The following GALNT10 variants were observed in gnomAD, a reference collection of about 807,000 sequenced individuals.
GALNT10 encodes polypeptide N-acetylgalactosaminyltransferase 10.
GALNT10 carries 41 observed loss-of-function variants against 75.0 expected under a neutral mutation model. That is an observed-to-expected ratio of 0.55 (90% confidence interval 0.43 to 0.71). The LOEUF (loss-of-function observed/expected upper bound fraction) is 0.71. Ranked by LOEUF, GALNT10 falls within the 30% of genes least tolerant of loss-of-function variation. The probability of loss-of-function intolerance (pLI) is 0.00; values close to 1 mark genes in which losing one functional copy is unlikely to be tolerated. For missense variants in GALNT10, 727 were observed against 818.5 expected, an observed-to-expected ratio of 0.89 and a Z score of 1.36; for synonymous variants, 302 against 313.0, an observed-to-expected ratio of 0.96 and a Z score of 0.37.
intron 1 of GALNT10, among the ~76,000 whole-genome samples, chr5:154,195,021 C>G (rs1415407339): frequency 6.6e-6 from 1 of 152,214 alleles, no homozygotes; most frequent in Non-Finnish European, 1.5e-5. Flanking sequence ...AATGTCTTTT[C>G]TCAGGCTGTA....
At chr5:154,277,518 G>A (rs562362240) in intron 1 of GALNT10, among the ~76,000 whole-genome samples, 2 of 151,986 alleles carry the variant, frequency 1.3e-5, no homozygotes, top group Admixed American at 1.3e-4. Context: ...CTGGGATGGA[G>A]GATTGAGACC....
chr5:154,349,755 T>G (rs1755179445), intron 4 of GALNT10: 1 of 152,022 alleles, frequency 6.6e-6, no homozygotes, highest in Non-Finnish European at 1.5e-5. Flanking sequence ...TAGCTTTCAG[T>G]ATGTTAGTGT....
At chr5:154,195,268 C>G (rs192131458) in intron 1 of GALNT10, among the ~76,000 whole-genome samples, 1 of 152,216 alleles carries the variant, frequency 6.6e-6, no homozygotes, top group Non-Finnish European at 1.5e-5. Context: ...ATGCTCCTGA[C>G]GGTGTTTGCA....
At chr5:154,230,991 G>A (rs184391336) in intron 1 of GALNT10, among the ~76,000 whole-genome samples, 156 of 152,324 alleles carry the variant, frequency 1.0e-3, no homozygotes, top group African/African-American at 3.7e-3. Flanking sequence ...CAGACAAGGC[G>A]GGTCCCTGCA....
At chr5:154,374,300 C>T (rs1327525488) in intron 4 of GALNT10, among the ~76,000 whole-genome samples, 1 of 152,160 alleles carries the variant, frequency 6.6e-6, no homozygotes, top group Non-Finnish European at 1.5e-5. Context: ...ATTTTTTAGC[C>T]TTCTAGCCTC....
At chr5:154,249,508 C>CTACTCTT (rs1753482187) in intron 1 of GALNT10, among the ~76,000 whole-genome samples, 1 of 151,844 alleles carries the variant, frequency 6.6e-6, no homozygotes, top group Non-Finnish European at 1.5e-5. Flanking sequence ...TCCATTCTCT[C>CTACTCTT]CTACTCTTTT....
rs777623511 is a variant in GALNT10 at position 154,415,814 on chromosome 5, G to A, written c.1535G>A (p.Arg512Gln). 1.4e-5 allele frequency: 22 copies of A among 1,613,960 alleles called. No individual in the cohort carries two copies. The highest frequency in any genetic ancestry group is 6.7e-5 in the East Asian group (3 of 44,888). Residue 512 changes from arginine to glutamine, a missense_variant, in exon 11 of 12, where the codon CGG (arginine) becomes CAG (glutamine). Physicochemically the swap from Arg to Gln is conservative, Grantham distance 43 (BLOSUM62 1). Transcript: ENST00000297107. The part of the protein sequence containing the change: ...VFTFTWREDI[R>Q]PGDPQHTKKF... ...ACCTTCACCTGGAGAGAGGACATCC[G>A]GCCTGGAGACCCCCAGCACACCAAG...
chr5:154,259,143 C>A (rs1163995276), intron 1 of GALNT10, among the ~76,000 whole-genome samples: 2 of 152,060 alleles, frequency 1.3e-5, no homozygotes, highest in Admixed American at 1.3e-4. Context: ...AAAACACATT[C>A]AACCCATTAC....
intron 1 of GALNT10, among the ~76,000 whole-genome samples, chr5:154,263,566 G>A (rs763658032): frequency 6.6e-6 from 1 of 152,140 alleles, no homozygotes; most frequent in Non-Finnish European, 1.5e-5. Context: ...AAACTAGATA[G>A]CTTATAAACA....
intron 2 of GALNT10, among the ~76,000 whole-genome samples, chr5:154,295,444 G>GAA (rs4032069): frequency 0.44 from 67,193 of 151,846 alleles, 15,609 homozygotes; most frequent in African/African-American, 0.55. Context: ...TGCACAGAAA[G>GAA]AGAGGCAAAC....
chr5:154,263,840 A>G (rs1471234924), intron 1 of GALNT10, among the ~76,000 whole-genome samples: 3 of 152,194 alleles, frequency 2.0e-5, no homozygotes, highest in Non-Finnish European at 4.4e-5. Flanking sequence ...TATGAATTCC[A>G]GAGGGGACAC....
intron 4 of GALNT10, among the ~76,000 whole-genome samples, chr5:154,354,308 C>G (rs1190300522): frequency 6.6e-6 from 1 of 152,090 alleles, no homozygotes; most frequent in Non-Finnish European, 1.5e-5. Flanking sequence ...GAGCCTGAGA[C>G]AGCGATGGTG....
At chr5:154,319,018 A>G (rs1754637539) in intron 3 of GALNT10, among the ~76,000 whole-genome samples, 1 of 152,240 alleles carries the variant, frequency 6.6e-6, no homozygotes, top group South Asian at 2.1e-4. Flanking sequence ...TGGGGGTCAG[A>G]AGTATTGATT....
At chr5:154,383,424 G>A (rs915042995) in intron 6 of GALNT10, among the ~76,000 whole-genome samples, 3 of 152,180 alleles carry the variant, frequency 2.0e-5, no homozygotes, top group African/African-American at 4.8e-5. Flanking sequence ...CTGTAAAGGA[G>A]ACTAATATTA....
intron 1 of GALNT10, among the ~76,000 whole-genome samples, chr5:154,205,268 C>T (rs1418881067): frequency 1.3e-5 from 2 of 152,222 alleles, no homozygotes; most frequent in East Asian, 3.8e-4. Flanking sequence ...CTCCTGTCCT[C>T]AGTCCACGTG....
chr5:154,397,672 A>C (rs1366375833), intron 7 of GALNT10, among the ~76,000 whole-genome samples: 1 of 152,208 alleles, frequency 6.6e-6, no homozygotes, highest in Non-Finnish European at 1.5e-5. Context: ...TCTTTCCCCC[A>C]AATGCAACTG....
At chr5:154,411,292 A>T (rs1040194329) in intron 9 of GALNT10, among the ~76,000 whole-genome samples, 3 of 152,212 alleles carry the variant, frequency 2.0e-5, no homozygotes, top group Non-Finnish European at 4.4e-5. Flanking sequence ...TGTTGGCCTC[A>T]TGCTGAAGGT....
chr5:154,226,358 G>A (rs1236136156), intron 1 of GALNT10, among the ~76,000 whole-genome samples: 1 of 152,092 alleles, frequency 6.6e-6, no homozygotes, highest in Non-Finnish European at 1.5e-5. Flanking sequence ...CCTTCTGCCT[G>A]AAGCTTATTC....
At chr5:154,403,777 C>T (rs778296553) in intron 7 of GALNT10, 2 of 357,924 alleles carry the variant, frequency 5.6e-6, no homozygotes, top group Admixed American at 4.4e-5. Flanking sequence ...TGACCTGAGT[C>T]ACATTTCTTA....
Sources: gnomAD v4.1 joint callset for allele counts (sites outside exome capture counted in the v4.1 genomes callset) on GRCh38, gnomAD v4.1.1 for gene constraint, MANE v1.5 for transcripts, NCBI Gene and HGNC (gene_info 2026-07-23, HGNC 2026-07-21) for gene names.